The following GRAMD2B variants were observed in gnomAD, a reference collection of about 807,000 sequenced individuals.
The protein encoded by GRAMD2B is GRAM domain-containing protein 2B.
In GRAMD2B, 41 loss-of-function variants were observed where a neutral mutation model predicts 59.2. That is an observed-to-expected ratio of 0.69 (90% CI 0.54 to 0.90). The LOEUF is 0.90. Ranked by LOEUF, GRAMD2B falls within the 40% of genes least tolerant of loss-of-function variation. The pLI is 0.00. For synonymous variants in GRAMD2B, 161 were observed against 182.7 expected (o/e 0.88, Z 0.96); for missense variants, 424 against 500.5 (o/e 0.85, Z 1.46).
At chr5:126,436,739 T>C (rs1377447235) in intron 1 of GRAMD2B, among the ~76,000 whole-genome samples, 1 of 152,226 alleles carries the variant, frequency 6.6e-6, no homozygotes, top group East Asian at 1.9e-4. Context: ...TACTGTGTTA[T>C]GTACAGGCAT....
intron 8 of GRAMD2B, among the ~76,000 whole-genome samples, chr5:126,483,217 C>T (rs4558984): frequency 0.6 from 91,490 of 152,066 alleles, 28,371 homozygotes; most frequent in African/African-American, 0.71. Context: ...TGGGTGTTTT[C>T]CTAGACATTT....
intron 2 of GRAMD2B, 110 bp from the exon 3 acceptor site, chr5:126,469,567 G>T (rs1769148692): frequency 4.2e-6 from 3 of 721,638 alleles, no homozygotes; most frequent in South Asian, 1.7e-5. Context: ...TCCTGGACGG[G>T]GAGGTTGCAG....
intron 13 of GRAMD2B, among the ~76,000 whole-genome samples, chr5:126,492,309 G>C (rs1389925185): frequency 6.6e-6 from 1 of 151,908 alleles, no homozygotes; most frequent in Non-Finnish European, 1.5e-5. Flanking sequence ...GGTCACACTG[G>C]TGTTGCCAGT....
intron 1 of GRAMD2B, among the ~76,000 whole-genome samples, chr5:126,461,033 T>G (rs1376950885): frequency 6.6e-6 from 1 of 152,190 alleles, no homozygotes; most frequent in Non-Finnish European, 1.5e-5. Context: ...TAGATTAACA[T>G]GTGGGTAGAC....
intron 3 of GRAMD2B, among the ~76,000 whole-genome samples, chr5:126,471,332 C>T (rs1561577290): frequency 6.6e-6 from 1 of 152,216 alleles, no homozygotes; most frequent in Non-Finnish European, 1.5e-5. Context: ...GCCTCAGCCT[C>T]CCGAGTAGCT....
At chr5:126,429,662 G>A (rs770825279) in intron 1 of GRAMD2B, among the ~76,000 whole-genome samples, 2 of 152,188 alleles carry the variant, frequency 1.3e-5, no homozygotes, top group African/African-American at 2.4e-5. Flanking sequence ...TGGGGTGGAG[G>A]TGGGAGGATG....
intron 1 of GRAMD2B, among the ~76,000 whole-genome samples, chr5:126,413,729 T>A (rs1343053147): frequency 6.6e-6 from 1 of 152,162 alleles, no homozygotes; most frequent in Non-Finnish European, 1.5e-5. Context: ...TGTGACTGTC[T>A]GTGTCTTTTT....
upstream of GRAMD2B, among the ~76,000 whole-genome samples, chr5:126,366,490 C>A (rs1754441878): frequency 6.6e-6 from 1 of 152,204 alleles, no homozygotes; most frequent in Admixed American, 6.5e-5. Context: ...TCATTACCAT[C>A]AGTAGTATTT....
intron 13 of GRAMD2B, among the ~76,000 whole-genome samples, chr5:126,490,724 C>T (rs910515587): frequency 5.3e-5 from 8 of 152,208 alleles, no homozygotes; most frequent in Non-Finnish European, 1.2e-4. Flanking sequence ...AATAGCAGCT[C>T]CATGCTGTTG....
chr5:126,489,392 T>C (rs1365609020), intron 13 of GRAMD2B, among the ~76,000 whole-genome samples: 1 of 152,208 alleles, frequency 6.6e-6, no homozygotes, highest in Non-Finnish European at 1.5e-5. Flanking sequence ...ATTAGCTTGC[T>C]GAAGGTGACA....
chr5:126,413,110 G>A (rs2149760761), intron 1 of GRAMD2B, among the ~76,000 whole-genome samples: 1 of 152,120 alleles, frequency 6.6e-6, no homozygotes, highest in South Asian at 2.1e-4. Context: ...ATTTTGTTCA[G>A]TTCTCATCTA....
intron 1 of GRAMD2B, among the ~76,000 whole-genome samples, chr5:126,424,108 A>T (rs1760162807): frequency 6.6e-6 from 1 of 152,208 alleles, no homozygotes; most frequent in African/African-American, 2.4e-5. Context: ...GTTATTTTGG[A>T]TCTGCCCTTC....
intron 1 of GRAMD2B, among the ~76,000 whole-genome samples, chr5:126,400,983 CA>C (rs1391831204): frequency 6.6e-5 from 10 of 152,072 alleles, no homozygotes; most frequent in Admixed American, 2.0e-4. Flanking sequence ...TATCCCTCCC[CA>C]AGATTTGGGA....
intron 2 of GRAMD2B, among the ~76,000 whole-genome samples, chr5:126,469,039 C>G (rs943209880): frequency 1.3e-5 from 2 of 152,120 alleles, no homozygotes; most frequent in African/African-American, 4.8e-5. Flanking sequence ...TTTGATTGAA[C>G]TATAGCTGCA....
chr5:126,375,374 GT>G (rs1010476382), intron 1 of GRAMD2B, among the ~76,000 whole-genome samples: 36 of 144,566 alleles, frequency 2.5e-4, no homozygotes, highest in Admixed American at 7.6e-4. Context: ...AAATCTTTTT[GT>G]TTTTTTTTTT....
intron 1 of GRAMD2B, among the ~76,000 whole-genome samples, chr5:126,453,709 A>G (rs959240872): frequency 2.6e-5 from 4 of 152,198 alleles, no homozygotes; most frequent in African/African-American, 9.7e-5. Context: ...TCAAATTATT[A>G]CTCATCTAAC....
chr5:126,362,353 T>G (rs1754258479), intron 1 of GRAMD2B, among the ~76,000 whole-genome samples: 1 of 152,188 alleles, frequency 6.6e-6, no homozygotes, highest in Non-Finnish European at 1.5e-5. Context: ...AACTATTATA[T>G]AATAGTATAT....
chr5:126,450,530 T>C (rs1247125177), intron 1 of GRAMD2B, among the ~76,000 whole-genome samples: 1 of 151,996 alleles, frequency 6.6e-6, no homozygotes, highest in East Asian at 1.9e-4. Flanking sequence ...TAGCAATGCC[T>C]CACTCTGGGT....
chr5:126,387,685 T>C (rs1293160344), intron 1 of GRAMD2B, among the ~76,000 whole-genome samples: 2 of 152,054 alleles, frequency 1.3e-5, no homozygotes, highest in Non-Finnish European at 2.9e-5. Context: ...CTCTCTTTTT[T>C]CTCATCTCAC....
Sources: gnomAD v4.1 joint callset for allele counts (sites outside exome capture counted in the v4.1 genomes callset) on GRCh38, gnomAD v4.1.1 for gene constraint, MANE v1.5 for transcripts, NCBI Gene and HGNC (gene_info 2026-07-23, HGNC 2026-07-21) for gene names.